The following FRAS1 variants were observed in gnomAD, a reference collection of about 807,000 sequenced individuals.
FRAS1 encodes the protein extracellular matrix organizing protein FRAS1.
FRAS1 carries 290 observed loss-of-function variants against 435.2 expected under a neutral mutation model. That is an observed-to-expected ratio of 0.67 (90% CI 0.61 to 0.73). The LOEUF (loss-of-function observed/expected upper bound fraction) is 0.73. Ranked by LOEUF, FRAS1 falls within the 30% of genes least tolerant of loss-of-function variation. The probability of loss-of-function intolerance (pLI) is 0.00; values close to 1 mark genes in which losing one functional copy is unlikely to be tolerated. For missense variants in FRAS1, 4,860 were observed against 5,001.5 expected (o/e 0.97, Z 0.85); for synonymous variants, 1,800 against 1,851.0 (o/e 0.97, Z 0.71).
At chr4:78,275,789 T>C (rs932249586) in intron 9 of FRAS1, among the ~76,000 whole-genome samples, 2 of 152,202 alleles carry the variant, frequency 1.3e-5, no homozygotes, top group African/African-American at 2.4e-5. Context: ...GACAATTATG[T>C]GTCTTGGGGT....
intron 54 of FRAS1, 104 bp downstream of exon 54, chr4:78,475,710 G>A: frequency 9.2e-7 from 1 of 1,083,212 alleles, no homozygotes; most frequent in East Asian, 2.5e-5. Context: ...CTTTTCACTG[G>A]TGTCCTTCTT....
At chr4:78,306,956 T>C (rs1050675700) in intron 14 of FRAS1, among the ~76,000 whole-genome samples, 2 of 152,340 alleles carry the variant, frequency 1.3e-5, no homozygotes, top group South Asian at 2.1e-4. Context: ...TTTTAGAGTT[T>C]CCAGTTTTTC....
intron 48 of FRAS1, 37 bp from the exon 49 acceptor site, chr4:78,464,406 G>T: frequency 6.2e-7 from 1 of 1,613,386 alleles, no homozygotes; most frequent in Non-Finnish European, 8.5e-7. Context: ...TAGGTGCTAG[G>T]GACAGGTGTC....
At chr4:78,308,632 G>C (rs1420659538) in intron 15 of FRAS1, among the ~76,000 whole-genome samples, 1 of 152,220 alleles carries the variant, frequency 6.6e-6, no homozygotes, top group Non-Finnish European at 1.5e-5. Context: ...TTTGGTGTTG[G>C]TGCCACTGAC....
chr4:78,507,562 T>C lies in FRAS1; in HGVS notation c.9458T>C (p.Leu3153Pro). Residue 3153 changes from leucine to proline, a missense_variant, in exon 62 of 74, where the codon CTA becomes CCA. Leu to Pro is a moderately conservative substitution (Grantham distance 98). Coordinates refer to ENST00000512123, the MANE Select transcript of FRAS1 (RefSeq NM_025074.7). ...GDVTTATVTI[L>P]DQEAAGSLIL... ...GTGACTACTGCCACGGTGACAATTCTAGACCAGGAGGCAGCAGGGAGCCTC... is the reference window on the plus strand; with the variant it reads ...GTGACTACTGCCACGGTGACAATTCCAGACCAGGAGGCAGCAGGGAGCCTC... 6.2e-7 allele frequency: 1 copy of C among 1,609,538 alleles called. No individual in the cohort carries two copies. The highest frequency in any genetic ancestry group is 8.5e-7 in the Non-Finnish European group (1 of 1,178,232).
chr4:78,394,062 A>C (rs1373604210), intron 29 of FRAS1, among the ~76,000 whole-genome samples: 2 of 151,600 alleles, frequency 1.3e-5, no homozygotes, highest in Non-Finnish European at 3.0e-5. Flanking sequence ...AAATTATTTG[A>C]ATTTTTTTGC....
intron 2 of FRAS1, among the ~76,000 whole-genome samples, chr4:78,172,669 C>T (rs904622849): frequency 6.6e-6 from 1 of 151,986 alleles, no homozygotes; most frequent in Non-Finnish European, 1.5e-5. Context: ...TTTTTTAGTG[C>T]ATGAATAAAT....
At chr4:78,506,089 G>A (rs1157620669) in intron 61 of FRAS1, among the ~76,000 whole-genome samples, 15 of 152,180 alleles carry the variant, frequency 9.9e-5, no homozygotes, top group Admixed American at 9.2e-4. Flanking sequence ...ATTGCAGAAC[G>A]GCAAATATTG....
At chr4:78,306,450 C>T (rs1728720338) in intron 14 of FRAS1, among the ~76,000 whole-genome samples, 1 of 104,756 alleles carries the variant, frequency 9.5e-6, no homozygotes, top group Non-Finnish European at 2.1e-5. Flanking sequence ...TAATATCCTG[C>T]AGAGTGTTTT....
At chr4:78,137,559 T>C (rs1309736453) in intron 2 of FRAS1, among the ~76,000 whole-genome samples, 2 of 152,250 alleles carry the variant, frequency 1.3e-5, no homozygotes, top group African/African-American at 2.4e-5. Context: ...CTCTCAGAAA[T>C]GGATGTGATT....
At chr4:78,490,812 A>C (rs1720325418) in intron 59 of FRAS1, among the ~76,000 whole-genome samples, 3 of 152,160 alleles carry the variant, frequency 2.0e-5, no homozygotes, top group Admixed American at 2.0e-4. Context: ...TCAGAACAGA[A>C]CTGAAGGAGA....
At chr4:78,357,314 G>A (rs1170159223) in intron 20 of FRAS1, among the ~76,000 whole-genome samples, 2 of 152,136 alleles carry the variant, frequency 1.3e-5, no homozygotes, top group African/African-American at 2.4e-5. Flanking sequence ...CCACCTCAGT[G>A]TCCACCATGT....
At chr4:78,098,463 CG>C (rs1037275471) in intron 2 of FRAS1, among the ~76,000 whole-genome samples, 4 of 151,832 alleles carry the variant, frequency 2.6e-5, no homozygotes, top group Non-Finnish European at 5.9e-5. Flanking sequence ...TTAGTAGAGA[CG>C]GGGTTTCACC....
At chr4:78,303,339 A>T (rs978314002) in intron 14 of FRAS1, among the ~76,000 whole-genome samples, 23 of 152,108 alleles carry the variant, frequency 1.5e-4, no homozygotes, top group African/African-American at 5.6e-4. Flanking sequence ...TTGGCGATGG[A>T]GGCTCTTTTT....
chr4:78,308,531 C>A (rs1009402542), intron 15 of FRAS1, among the ~76,000 whole-genome samples: 3 of 152,164 alleles, frequency 2.0e-5, no homozygotes, highest in Admixed American at 1.3e-4. Flanking sequence ...TTTCCTTTCC[C>A]CAGATCCCAA....
intron 2 of FRAS1, among the ~76,000 whole-genome samples, chr4:78,114,847 C>A (rs1310929504): frequency 5.3e-5 from 8 of 152,310 alleles, no homozygotes; most frequent in African/African-American, 1.9e-4. Context: ...ATTGCCCTGG[C>A]CAGAACTTCC....
intron 70 of FRAS1, among the ~76,000 whole-genome samples, chr4:78,533,075 G>C (rs1721771352): frequency 6.6e-6 from 1 of 152,088 alleles, no homozygotes; most frequent in Non-Finnish European, 1.5e-5. Flanking sequence ...TTACATAATG[G>C]CTGCACCAAT....
intron 50 of FRAS1, among the ~76,000 whole-genome samples, chr4:78,468,551 T>A (rs1006716040): frequency 3.4e-5 from 5 of 148,752 alleles, no homozygotes; most frequent in Non-Finnish European, 3.0e-5. Flanking sequence ...ACCAGTAAAA[T>A]GCTTTTCTCT....
chr4:78,514,675 C>T (rs1721149053), intron 65 of FRAS1, among the ~76,000 whole-genome samples: 1 of 152,156 alleles, frequency 6.6e-6, no homozygotes, highest in African/African-American at 2.4e-5. Flanking sequence ...AATTGAGTAC[C>T]TAGTCATCAT....
Sources: allele counts gnomAD v4.1 joint callset (sites outside exome capture counted in the v4.1 genomes callset), GRCh38; gene constraint gnomAD v4.1.1; transcripts MANE v1.5; gene names NCBI Gene and HGNC (gene_info 2026-07-23, HGNC 2026-07-21).